Variants in TRPM3 observed in about 807,000 individuals in gnomAD.
TRPM3 encodes the protein transient receptor potential cation channel subfamily M member 3.
In TRPM3, 77 loss-of-function variants were observed where a neutral mutation model predicts 181.2. That is an observed-to-expected ratio of 0.42 (90% CI 0.35 to 0.51). The LOEUF is 0.51. Ranked by LOEUF, TRPM3 falls within the 20% of genes least tolerant of loss-of-function variation. TRPM3 has a pLI of 0.01. For missense variants in TRPM3, 1,759 were observed against 2,196.7 expected (o/e 0.80, Z 3.98); for synonymous variants, 745 against 796.4 (o/e 0.94, Z 1.09).
In TRPM3 at chr9:70,740,475, A is replaced by G. The variant is rs555644475; in HGVS notation, c.1272+21126T>C. 1.6e-4 allele frequency among the ~76,000 whole-genome samples: 25 copies of G among 151,676 alleles called. 1 individual carries two copies. The South Asian group carries it at 5.0e-3, about 30-fold the overall frequency. ...ATCATTCTTCACAGACCTAGAAAAA[A>G]CAATCTTAAAATTCATGTGGAATGA... is the stretch of plus-strand genomic sequence containing the variant. On this transcript the variant is annotated intron_variant, in intron 8 of 25. Coordinates refer to ENST00000677713, the MANE Select transcript of TRPM3 (RefSeq NM_001366145.2).
At chr9:70,579,958 C>T (rs1006318962) in intron 22 of TRPM3, among the ~76,000 whole-genome samples, 1 of 152,224 alleles carries the variant, frequency 6.6e-6, no homozygotes, top group African/African-American at 2.4e-5. Context: ...GCTTCCACGT[C>T]ACCTGCCCCC....
At chr9:71,069,238 A>T (rs1368678129) in intron 1 of TRPM3, among the ~76,000 whole-genome samples, 2 of 152,232 alleles carry the variant, frequency 1.3e-5, no homozygotes, top group Non-Finnish European at 2.9e-5. Flanking sequence ...GCTGGAGTGC[A>T]GTGGCGCCAT....
chr9:71,190,675 T>C (rs942193886), intron 1 of TRPM3, among the ~76,000 whole-genome samples: 1 of 151,860 alleles, frequency 6.6e-6, no homozygotes, highest in African/African-American at 2.4e-5. Flanking sequence ...CTTCTTAATA[T>C]AGGGTCTCCA....
At chr9:71,006,634 C>T (rs1056852353) in intron 1 of TRPM3, among the ~76,000 whole-genome samples, 14 of 152,160 alleles carry the variant, frequency 9.2e-5, no homozygotes, top group African/African-American at 3.4e-4. Flanking sequence ...CTTTGGGAGG[C>T]CGAGGTGGGT....
chr9:71,037,041 A>G (rs1168263267), intron 1 of TRPM3, among the ~76,000 whole-genome samples: 1 of 152,232 alleles, frequency 6.6e-6, no homozygotes, highest in African/African-American at 2.4e-5. Context: ...GCTTATGACC[A>G]AGAACAGTGG....
chr9:70,646,875 CAAA>C (rs200789716), intron 9 of TRPM3, among the ~76,000 whole-genome samples: 1 of 85,378 alleles, frequency 1.2e-5, no homozygotes, highest in Non-Finnish European at 2.3e-5. Flanking sequence ...CATGGAAGTA[CAAA>C]AAAAAAAAAA....
intron 1 of TRPM3, among the ~76,000 whole-genome samples, chr9:71,086,544 A>T (rs985544733): frequency 6.6e-6 from 1 of 151,988 alleles, no homozygotes; most frequent in Non-Finnish European, 1.5e-5. Flanking sequence ...AAAAGAGGTC[A>T]AAGTATCAAA....
intron 9 of TRPM3, among the ~76,000 whole-genome samples, chr9:70,676,233 AT>A: frequency 6.6e-6 from 1 of 152,340 alleles, no homozygotes; most frequent in Non-Finnish European, 1.5e-5. Context: ...CAAATTTCTC[AT>A]TTATGGAGGA....
chr9:70,907,493 T>C (rs953733572), intron 1 of TRPM3, among the ~76,000 whole-genome samples: 1 of 152,244 alleles, frequency 6.6e-6, no homozygotes, highest in Non-Finnish European at 1.5e-5. Flanking sequence ...ATGAATTTCA[T>C]TTAGGCATCA....
intron 1 of TRPM3, among the ~76,000 whole-genome samples, chr9:71,023,529 C>T (rs967010469): frequency 2.0e-5 from 3 of 152,092 alleles, no homozygotes; most frequent in Non-Finnish European, 4.4e-5. Context: ...AAAACCTGTG[C>T]ATGAGTATTC....
chr9:70,845,281 C>T (rs376541689), intron 4 of TRPM3, among the ~76,000 whole-genome samples: 1 of 151,992 alleles, frequency 6.6e-6, no homozygotes, highest in Non-Finnish European at 1.5e-5. Flanking sequence ...CTCTTGTTGC[C>T]CAGGCTGGAG....
chr9:71,257,820 C>T lies in TRPM3; in HGVS notation c.183+188833G>A, dbSNP rs118072772. On this transcript the variant is annotated intron_variant, in intron 1 of 24. Coordinates refer to the TRPM3 transcript ENST00000357533. ...ATGTCATCTCACAGTTAATATCCCT[C>T]CATTATAGCTGATATTTTGATAACT... Among the ~76,000 whole-genome samples the T allele has an allele frequency of 1.1e-4, 16 of 152,286 alleles. No homozygotes were observed. The East Asian group carries it at 2.3e-3, about 22-fold the overall frequency.
At chr9:71,045,137 C>T (rs937096963) in intron 1 of TRPM3, among the ~76,000 whole-genome samples, 8 of 151,864 alleles carry the variant, frequency 5.3e-5, no homozygotes, top group African/African-American at 1.2e-4. Flanking sequence ...CGCTCTGTCA[C>T]CCAGGCTTGA....
At chr9:71,060,573 C>T (rs772874355) in intron 1 of TRPM3, among the ~76,000 whole-genome samples, 4 of 152,244 alleles carry the variant, frequency 2.6e-5, no homozygotes, top group East Asian at 1.9e-4. Flanking sequence ...TATGTGGAAA[C>T]CTTTTATTTA....
At chr9:70,846,323 CA>C in intron 4 of TRPM3, 54 bp downstream of exon 4, 1 of 1,512,440 alleles carries the variant, frequency 6.6e-7, no homozygotes, top group Non-Finnish European at 9.2e-7. Context: ...AAAATTACAT[CA>C]GGCACAACAT....
At chr9:71,368,184 T>C (rs2092401861) in intron 1 of TRPM3, among the ~76,000 whole-genome samples, 1 of 152,160 alleles carries the variant, frequency 6.6e-6, no homozygotes, top group Non-Finnish European at 1.5e-5. Flanking sequence ...TAAAATGTGA[T>C]GAGACTCCCA....
intron 9 of TRPM3, among the ~76,000 whole-genome samples, chr9:70,645,979 T>G (rs1424840668): frequency 2.0e-5 from 3 of 152,110 alleles, no homozygotes; most frequent in Non-Finnish European, 2.9e-5. Context: ...ATGAAAAAAG[T>G]TGATCATCAC....
chr9:71,266,382 AC>A (rs1429154304), intron 1 of TRPM3, among the ~76,000 whole-genome samples: 7 of 152,220 alleles, frequency 4.6e-5, no homozygotes, highest in Non-Finnish European at 1.0e-4. Context: ...AAGAAAGGAA[AC>A]CGGTTTTTAA....
chr9:71,278,346 C>G (rs1372162201), intron 1 of TRPM3, among the ~76,000 whole-genome samples: 1 of 152,118 alleles, frequency 6.6e-6, no homozygotes, highest in African/African-American at 2.4e-5. Flanking sequence ...CCAAAGAGGT[C>G]AAAGAGGCTT....
Sources: allele counts gnomAD v4.1 joint callset (sites outside exome capture counted in the v4.1 genomes callset), GRCh38; gene constraint gnomAD v4.1.1; transcripts MANE v1.5; gene names NCBI Gene and HGNC (gene_info 2026-07-23, HGNC 2026-07-21).